CNTN4: variants seen among roughly 807,000 people sequenced by gnomAD.
CNTN4 encodes the protein contactin-4.
A neutral mutation model predicts 122.5 loss-of-function variants in CNTN4; 77 were observed. That is an observed-to-expected ratio of 0.63 (90% CI 0.52 to 0.76). The LOEUF is 0.76. Among genes scored for constraint, CNTN4 ranks in the 30% least tolerant of loss-of-function variants. The pLI is 0.00. For missense variants in CNTN4, 1,256 were observed against 1,259.1 expected, an observed-to-expected ratio of 1.00 and a Z score of 0.04; for synonymous variants, 512 against 447.0, an observed-to-expected ratio of 1.15 and a Z score of -1.83.
chr3:2,483,206 G>T (rs1002393129), intron 3 of CNTN4, among the ~76,000 whole-genome samples: 2 of 152,168 alleles, frequency 1.3e-5, no homozygotes, highest in African/African-American at 4.8e-5. Context: ...AGATCATTTT[G>T]GAGCTTTAAG....
chr3:2,671,804 T>A (rs1235836316), intron 4 of CNTN4, among the ~76,000 whole-genome samples: 1 of 152,220 alleles, frequency 6.6e-6, no homozygotes, highest in Non-Finnish European at 1.5e-5. Flanking sequence ...GTTTGTTAGT[T>A]TTCCTCCTAA....
intron 3 of CNTN4, among the ~76,000 whole-genome samples, chr3:2,518,212 AAT>A (rs1366790532): frequency 5.6e-5 from 8 of 143,740 alleles, no homozygotes; most frequent in African/African-American, 1.6e-4. Context: ...TTCTTAGGTT[AAT>A]ATGTGTGTGT....
chr3:2,817,719 T>G (rs1188520491), intron 6 of CNTN4, among the ~76,000 whole-genome samples: 3 of 152,206 alleles, frequency 2.0e-5, no homozygotes, highest in African/African-American at 4.8e-5. Context: ...TTCATGCAAC[T>G]CTGGAAATTG....
At chr3:2,315,196 A>G (rs1245056473) in intron 2 of CNTN4, among the ~76,000 whole-genome samples, 1 of 129,970 alleles carries the variant, frequency 7.7e-6, no homozygotes, top group African/African-American at 2.6e-5. Context: ...ATCATTGAGC[A>G]TAAATCAGCT....
At chr3:2,970,853 T>A (rs994690645) in intron 13 of CNTN4, among the ~76,000 whole-genome samples, 3 of 152,176 alleles carry the variant, frequency 2.0e-5, no homozygotes, top group African/African-American at 7.2e-5. Context: ...AGTGGCGTGA[T>A]CCCAGCTCAC....
At chr3:2,710,887 C>T (rs2087107135) in intron 4 of CNTN4, among the ~76,000 whole-genome samples, 1 of 152,164 alleles carries the variant, frequency 6.6e-6, no homozygotes, top group South Asian at 2.1e-4. Flanking sequence ...AGGCCAGTGT[C>T]TTCCTTTTTT....
At chr3:2,572,920 A>G (rs561160014) in intron 4 of CNTN4, among the ~76,000 whole-genome samples, 11 of 152,336 alleles carry the variant, frequency 7.2e-5, no homozygotes, top group Non-Finnish European at 1.3e-4. Context: ...ATTCTATGCT[A>G]GGCAATATGC....
At chr3:2,903,189 A>G (rs1287997804) in intron 12 of CNTN4, among the ~76,000 whole-genome samples, 184 bp downstream of exon 12, 1 of 152,190 alleles carries the variant, frequency 6.6e-6, no homozygotes, top group Non-Finnish European at 1.5e-5. Flanking sequence ...ACGCTTTCTA[A>G]ATCCGCCTCT....
At position 3,026,150 on chromosome 3, in the gene CNTN4, G is replaced by C; in HGVS notation, c.1535G>C (p.Gly512Ala). ...VPPSSMDVTV[G>A]ESIVLPCQVT... ...CCTTCCAGTATGGATGTCACTGTTG[G>C]AGAGAGTATTGTTTTACCGTGCCAG... The change falls in exon 15 of 25, where the codon GGA (glycine) becomes GCA (alanine). Residue 512 changes from glycine (G) to alanine (A), a missense_variant. By Grantham distance (60) the Gly-to-Ala change is moderately conservative. Coordinates refer to ENST00000418658, the MANE Select transcript of CNTN4 (RefSeq NM_175607.3). 1 of 1,613,420 alleles carries C rather than the reference G, an allele frequency of 6.2e-7. No homozygotes were observed. The highest frequency in any genetic ancestry group is 8.5e-7 in the Non-Finnish European group (1 of 1,179,554).
At position 3,003,715 on chromosome 3, in the gene CNTN4, C is replaced by CAAAAA. The variant is rs1206039949; in HGVS notation, c.1486+15246_1486+15250dup. Among the ~76,000 whole-genome samples the CAAAAA allele has an allele frequency of 1.9e-4, 16 of 84,834 alleles. 1 individual carries two copies. Among genetic ancestry groups the CAAAAA allele is most frequent in the African/African-American group, 5.4e-4 (15 of 27,834 alleles). The allele number at this position is 84,834 out of a possible 152,430, so 55.7% of individuals were successfully genotyped here. ...AAAAAAAAAAAAAAAAAAAAAAAAA[C>CAAAAA]AAAAAAACCCCACTGAATTGTATAC... On this transcript the variant is annotated intron_variant, in intron 14 of 24. Coordinates refer to ENST00000418658, the MANE Select transcript of CNTN4 (RefSeq NM_175607.3).
rs71058653 is a variant in CNTN4, at chr3:2,834,898, C to CTTTTTTTTTTTTT, written c.454+15329_454+15341dup. On this transcript the variant is annotated intron_variant, in intron 7 of 24. Transcript: ENST00000418658. ...AAGCATTAAATTAGATAAAGGCAAC[C>CTTTTTTTTTTTTT]TTTTTTTTTTTTTTTTTTTTTTTTG... is the stretch of plus-strand genomic sequence containing the variant. 3.5e-4 allele frequency among the ~76,000 whole-genome samples: 21 copies of CTTTTTTTTTTTTT among 60,460 alleles called. 3 individuals carry two copies. The highest frequency in any genetic ancestry group is 1.2e-3 in the East Asian group (2 of 1,642). The allele number at this position is 60,460 out of a possible 152,430, so 39.7% of individuals were successfully genotyped here.
chr3:2,966,787 A>C (rs796568125), intron 13 of CNTN4, among the ~76,000 whole-genome samples: 7 of 152,298 alleles, frequency 4.6e-5, no homozygotes, highest in African/African-American at 1.7e-4. Context: ...ATACATTTTT[A>C]ATGAAGAAAG....
At chr3:3,039,225 C>A in intron 19 of CNTN4, 1 of 527,752 alleles carries the variant, frequency 1.9e-6, no homozygotes, top group Non-Finnish European at 3.4e-6. Flanking sequence ...ACAGTAAAAA[C>A]AATTATGAAG....
intron 3 of CNTN4, among the ~76,000 whole-genome samples, chr3:2,522,146 AGTTTGT>A (rs59011350): frequency 0.19 from 25,665 of 134,374 alleles, 2,404 homozygotes; most frequent in Admixed American, 0.29. Flanking sequence ...CTGCCTAAGC[AGTTTGT>A]GTGTGTGTGT....
chr3:2,781,887 C>A (rs1336547813), intron 6 of CNTN4, among the ~76,000 whole-genome samples: 2 of 66,166 alleles, frequency 3.0e-5, no homozygotes, highest in African/African-American at 8.6e-5. Context: ...CCACGCCCGG[C>A]TAATTTTTTG....
rs145787450 is a variant in CNTN4 at position 2,754,544 on chromosome 3, T to C, written c.358+8847T>C. Among the ~76,000 whole-genome samples the C allele has an allele frequency of 2.0e-5, 3 of 152,208 alleles. No homozygotes were observed. The East Asian group carries it at 5.8e-4, about 29-fold the overall frequency. On this transcript the variant is annotated intron_variant, in intron 6 of 24. Coordinates refer to ENST00000418658, the MANE Select transcript of CNTN4 (RefSeq NM_175607.3). ...GAAAGTAACTAGACTAATACACCATTCATGCCCTACATCTCTACCCTCTGA... is the reference window on the plus strand; with the variant it reads ...GAAAGTAACTAGACTAATACACCATCCATGCCCTACATCTCTACCCTCTGA...
intron 4 of CNTN4, among the ~76,000 whole-genome samples, chr3:2,598,798 C>T (rs1470305844): frequency 6.6e-6 from 1 of 151,676 alleles, no homozygotes; most frequent in African/African-American, 2.4e-5. Flanking sequence ...GTACAAATGT[C>T]CCTCCAACAT....
At chr3:2,574,208 C>T (rs1347143348) in intron 4 of CNTN4, among the ~76,000 whole-genome samples, 2 of 151,688 alleles carry the variant, frequency 1.3e-5, no homozygotes, top group East Asian at 1.9e-4. Flanking sequence ...AAGAGTGAAA[C>T]TCCATCTCAC....
chr3:2,818,717 G>T (rs570377405), intron 6 of CNTN4, among the ~76,000 whole-genome samples: 8 of 152,132 alleles, frequency 5.3e-5, no homozygotes, highest in African/African-American at 1.9e-4. Context: ...TACTTATACT[G>T]TGATCTTTGG....
Sources: gnomAD v4.1 joint callset for allele counts (sites outside exome capture counted in the v4.1 genomes callset) on GRCh38, gnomAD v4.1.1 for gene constraint, MANE v1.5 for transcripts, NCBI Gene and HGNC (gene_info 2026-07-23, HGNC 2026-07-21) for gene names.